The following SEMA6D variants were observed in gnomAD, a reference collection of about 807,000 sequenced individuals.
The protein encoded by SEMA6D is semaphorin 6D.
SEMA6D carries 35 observed loss-of-function variants against 106.6 expected under a neutral mutation model. The observed-to-expected ratio is 0.33, with a 90% confidence interval of 0.25 to 0.44. SEMA6D has a LOEUF of 0.44. Ranked by LOEUF, SEMA6D falls within the 20% of genes least tolerant of loss-of-function variation. The pLI, the probability that SEMA6D is intolerant of heterozygous loss-of-function variation, is 1.00. For missense variants in SEMA6D, 1,185 were observed against 1,345.9 expected, an observed-to-expected ratio of 0.88 and a Z score of 1.87; for synonymous variants, 499 against 487.7, an observed-to-expected ratio of 1.02 and a Z score of -0.31.
chr15:47,305,785 G>A (rs2036208163), intron 1 of SEMA6D, among the ~76,000 whole-genome samples: 1 of 152,162 alleles, frequency 6.6e-6, no homozygotes, highest in Admixed American at 6.5e-5. Context: ...GGATACTTCT[G>A]TGAAGGTTGA....
intron 3 of SEMA6D, among the ~76,000 whole-genome samples, chr15:47,515,790 C>A (rs2044369669): frequency 6.6e-6 from 1 of 152,182 alleles, no homozygotes; most frequent in African/African-American, 2.4e-5. Context: ...ATGAGCTCTG[C>A]ATGGTTCAAC....
At chr15:47,636,938 A>G (rs1029332962) in intron 4 of SEMA6D, among the ~76,000 whole-genome samples, 3 of 152,168 alleles carry the variant, frequency 2.0e-5, no homozygotes, top group African/African-American at 7.2e-5. Flanking sequence ...GGCTATGTGA[A>G]CACACTTAGT....
At chr15:47,354,441 C>A (rs2038477356) in intron 1 of SEMA6D, among the ~76,000 whole-genome samples, 1 of 145,184 alleles carries the variant, frequency 6.9e-6, no homozygotes, top group African/African-American at 2.5e-5. Context: ...ATATATGGAA[C>A]AAGAGACAGT....
At chr15:47,705,119 A>G (rs1429808727) in intron 4 of SEMA6D, among the ~76,000 whole-genome samples, 1 of 152,196 alleles carries the variant, frequency 6.6e-6, no homozygotes, top group Non-Finnish European at 1.5e-5. Flanking sequence ...GTTGAAGGCA[A>G]TTACTTTTAC....
At chr15:47,635,976 A>T (rs947721849) in intron 4 of SEMA6D, among the ~76,000 whole-genome samples, 116 of 121,150 alleles carry the variant, frequency 9.6e-4, no homozygotes, top group African/African-American at 3.1e-3. Flanking sequence ...AAAAAAAAAA[A>T]TTTTACCGAA....
At chr15:47,687,080 A>AT (rs1433536339) in intron 4 of SEMA6D, among the ~76,000 whole-genome samples, 1 of 151,744 alleles carries the variant, frequency 6.6e-6, no homozygotes, top group African/African-American at 2.4e-5. Context: ...AAAAAAAAAA[A>AT]AAAGAAGTAC....
At chr15:47,542,755 C>T (rs1464471285) in intron 3 of SEMA6D, among the ~76,000 whole-genome samples, 1 of 152,120 alleles carries the variant, frequency 6.6e-6, no homozygotes, top group Non-Finnish European at 1.5e-5. Context: ...TAAAAGCACT[C>T]GTGTGGCTTT....
Position 47,642,390 on chromosome 15 carries a change from C to A in SEMA6D, c.-55+41494C>A, listed in dbSNP as rs570659483. On this transcript the variant is annotated intron_variant, in intron 4 of 19. Coordinates refer to the SEMA6D transcript ENST00000558014. ...AGACTCTACGTGATTTTTTTTTACT[C>A]AAAACCCAGTGCTTTTTCCACTCTT... Among the ~76,000 whole-genome samples, 3 of 152,188 alleles carry A rather than the reference C, an allele frequency of 2.0e-5. No individual in the cohort carries two copies. In the East Asian group the frequency reaches 5.8e-4, roughly 29 times the overall value.
chr15:47,522,113 T>G (rs1042022837), intron 3 of SEMA6D, among the ~76,000 whole-genome samples: 5 of 152,236 alleles, frequency 3.3e-5, no homozygotes, highest in Non-Finnish European at 7.3e-5. Flanking sequence ...AGCCCAGCTC[T>G]GTGGGCATCA....
chr15:47,348,673 TCACACACACACACACACA>T (rs71118173), intron 1 of SEMA6D, among the ~76,000 whole-genome samples: 1 of 105,000 alleles, frequency 9.5e-6, no homozygotes, highest in Non-Finnish European at 1.8e-5. Flanking sequence ...CAAGAGTACA[TCACACACACACACACACA>T]CACACACACA....
At chr15:47,222,321 TGGGTACA>T (rs1158688934) in intron 1 of SEMA6D, among the ~76,000 whole-genome samples, 1 of 152,236 alleles carries the variant, frequency 6.6e-6, no homozygotes, top group Non-Finnish European at 1.5e-5. Flanking sequence ...TGAGTCCCAC[TGGGTACA>T]GGACTTGTGC....
chr15:47,621,310 T>C (rs2077094297), intron 4 of SEMA6D, among the ~76,000 whole-genome samples: 1 of 152,168 alleles, frequency 6.6e-6, no homozygotes, highest in Admixed American at 6.5e-5. Context: ...TGTCATAAAC[T>C]GCAGTCACGA....
At chr15:47,728,652 C>T (rs1015019317) in intron 1 of SEMA6D, among the ~76,000 whole-genome samples, 1 of 152,186 alleles carries the variant, frequency 6.6e-6, no homozygotes, top group African/African-American at 2.4e-5. Flanking sequence ...TATTTTAGTT[C>T]TGGAGGTCAG....
intron 4 of SEMA6D, among the ~76,000 whole-genome samples, chr15:47,676,261 T>G (rs1299649252): frequency 2.6e-5 from 4 of 152,214 alleles, no homozygotes; most frequent in African/African-American, 9.7e-5. Context: ...CTTTCCTGGT[T>G]AGACCCTGCC....
At chr15:47,495,301 G>C (rs1427441879) in intron 3 of SEMA6D, among the ~76,000 whole-genome samples, 1 of 151,598 alleles carries the variant, frequency 6.6e-6, no homozygotes, top group African/African-American at 2.4e-5. Flanking sequence ...TTTTCCATTT[G>C]TTAATAAGTT....
chr15:47,617,396 T>G (rs965006059), intron 4 of SEMA6D, among the ~76,000 whole-genome samples: 6 of 152,308 alleles, frequency 3.9e-5, no homozygotes, highest in African/African-American at 1.4e-4. Context: ...CATGATGAAA[T>G]TCAACCTCTT....
chr15:47,495,162 T>C (rs1219225287), intron 3 of SEMA6D, among the ~76,000 whole-genome samples: 3 of 151,908 alleles, frequency 2.0e-5, no homozygotes, highest in Non-Finnish European at 4.4e-5. Context: ...AAACTGGAAG[T>C]CGTTCTTATG....
chr15:47,746,415 A>G (rs1438768498), intron 1 of SEMA6D, among the ~76,000 whole-genome samples: 3 of 152,162 alleles, frequency 2.0e-5, no homozygotes, highest in Non-Finnish European at 4.4e-5. Flanking sequence ...AAGTCCCTCA[A>G]TTTATCTGCT....
intron 3 of SEMA6D, among the ~76,000 whole-genome samples, chr15:47,511,545 T>C (rs1354303990): frequency 6.6e-6 from 1 of 152,186 alleles, no homozygotes; most frequent in Non-Finnish European, 1.5e-5. Context: ...AGGTTGCTCC[T>C]ATATCTTGAC....
Sources: gnomAD v4.1 joint callset for allele counts (sites outside exome capture counted in the v4.1 genomes callset) on GRCh38, gnomAD v4.1.1 for gene constraint, MANE v1.5 for transcripts, NCBI Gene and HGNC (gene_info 2026-07-23, HGNC 2026-07-21) for gene names.